The following PLCB1 variants were observed in gnomAD, a reference collection of about 807,000 sequenced individuals.
The protein encoded by PLCB1 is 1-phosphatidylinositol 4,5-bisphosphate phosphodiesterase beta-1.
A neutral mutation model predicts 161.8 loss-of-function variants in PLCB1; 46 were observed. The ratio of observed to expected loss-of-function variants is 0.28; its 90% CI spans 0.22 to 0.36. The LOEUF (loss-of-function observed/expected upper bound fraction) is 0.36, where lower values mean the gene tolerates loss of function less well. PLCB1 is among the 10% of genes least tolerant of loss of function. The pLI is 1.00. For missense variants in PLCB1, 1,016 were observed against 1,472.5 expected (o/e 0.69, Z 5.07); for synonymous variants, 517 against 503.7 (o/e 1.03, Z -0.35).
intron 31 of PLCB1, among the ~76,000 whole-genome samples, chr20:8,842,565 T>C (rs1747757765): frequency 1.3e-5 from 2 of 152,162 alleles, no homozygotes; most frequent in Non-Finnish European, 2.9e-5. Flanking sequence ...CACCGAGTTG[T>C]AGAAGGAAAG....
chr20:8,310,818 A>C (rs1984362891), intron 2 of PLCB1, among the ~76,000 whole-genome samples: 1 of 151,954 alleles, frequency 6.6e-6, no homozygotes, highest in African/African-American at 2.4e-5. Context: ...AGAACATGTG[A>C]TATTGGTTTT....
At chr20:8,559,989 G>A (rs565207785) in intron 3 of PLCB1, among the ~76,000 whole-genome samples, 1 of 152,012 alleles carries the variant, frequency 6.6e-6, no homozygotes, top group South Asian at 2.1e-4. Flanking sequence ...CAAGCCCTGT[G>A]CTAAGTTCTG....
intron 2 of PLCB1, among the ~76,000 whole-genome samples, chr20:8,368,313 A>T (rs998808095): frequency 1.3e-5 from 2 of 152,108 alleles, no homozygotes; most frequent in African/African-American, 4.8e-5. Flanking sequence ...GGATCACTTG[A>T]GGTCTGGAGT....
At chr20:8,584,813 C>G (rs1030657044) in intron 3 of PLCB1, among the ~76,000 whole-genome samples, 1 of 152,080 alleles carries the variant, frequency 6.6e-6, no homozygotes, top group Non-Finnish European at 1.5e-5. Context: ...GCCTCAGCCT[C>G]CTTAGTAGCT....
chr20:8,727,272 A>C, intron 16 of PLCB1, 37 bp from the exon 17 acceptor site: 1 of 987,416 alleles, frequency 1.0e-6, no homozygotes, highest in Non-Finnish European at 1.6e-6. Context: ...TGTATTTCTC[A>C]CCTTCCCCTT....
At chr20:8,424,064 C>A (rs1423783260) in intron 3 of PLCB1, among the ~76,000 whole-genome samples, 2 of 152,126 alleles carry the variant, frequency 1.3e-5, no homozygotes, top group African/African-American at 4.8e-5. Flanking sequence ...TAGGCTCACT[C>A]CTTCCATTTT....
intron 3 of PLCB1, among the ~76,000 whole-genome samples, chr20:8,560,471 A>C (rs1321386071): frequency 6.6e-6 from 1 of 151,908 alleles, no homozygotes; most frequent in Non-Finnish European, 1.5e-5. Context: ...AAAAAAAAAT[A>C]CTGATGTCTA....
intron 3 of PLCB1, among the ~76,000 whole-genome samples, chr20:8,627,669 C>A (rs780609542): frequency 6.6e-6 from 1 of 152,192 alleles, no homozygotes; most frequent in Non-Finnish European, 1.5e-5. Flanking sequence ...CAAAGGATTT[C>A]CATTTATGAT....
intron 3 of PLCB1, among the ~76,000 whole-genome samples, chr20:8,495,094 G>A (rs1983106544): frequency 6.6e-6 from 1 of 151,758 alleles, no homozygotes; most frequent in Non-Finnish European, 1.5e-5. Flanking sequence ...GAGAAGAGGT[G>A]GATTCATGAG....
At chr20:8,827,855 A>G (rs1413851154) in intron 31 of PLCB1, among the ~76,000 whole-genome samples, 1 of 152,246 alleles carries the variant, frequency 6.6e-6, no homozygotes, top group African/African-American at 2.4e-5. Flanking sequence ...CAAAATTTCT[A>G]TTGAGCACAG....
intron 31 of PLCB1, among the ~76,000 whole-genome samples, chr20:8,820,914 A>G (rs1356134931): frequency 6.6e-6 from 1 of 152,092 alleles, no homozygotes; most frequent in Non-Finnish European, 1.5e-5. Flanking sequence ...CAATAAGTTT[A>G]AAAGCATGCA....
chr20:8,444,609 T>C (rs901437068), intron 3 of PLCB1, among the ~76,000 whole-genome samples: 19 of 152,334 alleles, frequency 1.2e-4, no homozygotes, highest in Non-Finnish European at 1.5e-4. Context: ...TTCTAGATCC[T>C]TGAGGAATAG....
intron 3 of PLCB1, among the ~76,000 whole-genome samples, chr20:8,551,249 A>C (rs1985765583): frequency 6.6e-6 from 1 of 152,160 alleles, no homozygotes; most frequent in Admixed American, 6.6e-5. Flanking sequence ...AGATCACTGG[A>C]AGAGATTTAG....
chr20:8,789,141 G>A (rs1391132296), intron 29 of PLCB1, among the ~76,000 whole-genome samples: 1 of 152,150 alleles, frequency 6.6e-6, no homozygotes, highest in African/African-American at 2.4e-5. Context: ...ACTTTGAAAG[G>A]CCTAGGTGGG....
At chr20:8,166,362 T>G (rs1472908203) in intron 2 of PLCB1, among the ~76,000 whole-genome samples, 8 of 152,220 alleles carry the variant, frequency 5.3e-5, no homozygotes, top group African/African-American at 1.9e-4. Context: ...TTTACATTGT[T>G]GATAACCCCA....
At chr20:8,450,651 T>A (rs1447889077) in intron 3 of PLCB1, among the ~76,000 whole-genome samples, 1 of 152,216 alleles carries the variant, frequency 6.6e-6, no homozygotes, top group East Asian at 1.9e-4. Context: ...TATAACCTTG[T>A]AATGAAAGCA....
chr20:8,386,335 C>T (rs189274003), intron 3 of PLCB1, among the ~76,000 whole-genome samples: 54 of 152,264 alleles, frequency 3.5e-4, no homozygotes, highest in African/African-American at 1.7e-4. Flanking sequence ...AGAATGGATG[C>T]GTTAGCTGGT....
At chr20:8,494,880 C>T (rs1049342016) in intron 3 of PLCB1, among the ~76,000 whole-genome samples, 3 of 152,102 alleles carry the variant, frequency 2.0e-5, no homozygotes, top group East Asian at 1.9e-4. Flanking sequence ...TGATACTTAC[C>T]GTATTTCACA....
chr20:8,742,554 T>G lies in PLCB1; in HGVS notation c.2523+981T>G, dbSNP rs138454337. ...ACTGTAATTCAAACATCCCATCCGC[T>G]CAGAGATAGCCACATTAAATGTGGG... On this transcript the variant is annotated intron_variant, in intron 23 of 31. Coordinates refer to ENST00000338037, the MANE Select transcript of PLCB1 (RefSeq NM_015192.4). 6.5e-3 allele frequency among the ~76,000 whole-genome samples: 987 copies of G among 152,284 alleles called. 9 individuals carry two copies. Among genetic ancestry groups the G allele is most frequent in the African/African-American group, 0.022 (917 of 41,576 alleles).
Sources: gnomAD v4.1 joint callset for allele counts (sites outside exome capture counted in the v4.1 genomes callset) on GRCh38, gnomAD v4.1.1 for gene constraint, MANE v1.5 for transcripts, NCBI Gene and HGNC (gene_info 2026-07-23, HGNC 2026-07-21) for gene names.